Variants in VARS1 observed in about 807,000 individuals in gnomAD.
VARS1 encodes the protein valine--tRNA ligase.
Under a neutral mutation model 161.0 loss-of-function variants are expected in VARS1, and 92 were observed. That is an observed-to-expected ratio of 0.57 (90% CI 0.48 to 0.68). VARS1 has a LOEUF of 0.68. VARS1 is among the 30% of genes least tolerant of loss of function. VARS1 has a pLI of 0.00. For missense variants in VARS1, 1,338 were observed against 1,695.9 expected, an observed-to-expected ratio of 0.79 and a Z score of 3.71; for synonymous variants, 595 against 682.5, an observed-to-expected ratio of 0.87 and a Z score of 2.00.
chr6:31,791,632 T>A lies in VARS1; in HGVS notation c.1078A>T (p.Ile360Phe). Residue 360 changes from isoleucine (I) to phenylalanine (F), a missense_variant, in exon 8 of 30, where the codon ATC becomes TTC. Ile to Phe is a conservative substitution (Grantham distance 21). This residue lies in a region of VARS1 where 902 missense variants were observed against 1,090.3 expected (regional missense o/e 0.83). Coordinates refer to ENST00000375663, the MANE Select transcript of VARS1 (RefSeq NM_006295.3). This position sits in a 1 kb window ranked among gnomAD's most constrained non-coding sequence, Gnocchi z 5.0. ...CACCATCGAGTCAGGGAGTCCTGGA[T>A]GGCGTTGGTGAGTGCATGGCCCAGG... is the stretch of plus-strand genomic sequence containing the variant. ...LHLGHALTNA[I>F]QDSLTRWHRM... 2 of 1,612,382 alleles carry A rather than the reference T, an allele frequency of 1.2e-6. No individual in the cohort carries two copies. Among genetic ancestry groups the A allele is most frequent in the Non-Finnish European group, 1.7e-6 (2 of 1,179,644 alleles).
chr6:31,780,658 A>G lies in VARS1; in HGVS notation c.2797+47T>C. On this transcript the variant is annotated intron_variant, in intron 24 of 29. Coordinates refer to ENST00000375663, the MANE Select transcript of VARS1 (RefSeq NM_006295.3). The surrounding 1 kb of genome is among the most constrained non-coding windows in gnomAD (Gnocchi z 5.1). Reference sequence around the variant, plus strand: ...AGGGTGGAGAAGAGGGATGGGCCTCACAGAAGGAGGAAGGAGTGGCTGGGA... The same window carrying G: ...AGGGTGGAGAAGAGGGATGGGCCTCGCAGAAGGAGGAAGGAGTGGCTGGGA... The G allele has an allele frequency of 6.2e-7, 1 of 1,613,584 alleles. No individual in the cohort carries two copies. The highest frequency in any genetic ancestry group is 1.3e-5 in the African/African-American group (1 of 75,056).
rs548658238 is a variant in VARS1, at chr6:31,785,098, G to A, written c.1347+148C>T. 1.9e-5 allele frequency: 17 copies of A among 872,548 alleles called. No homozygotes were observed. The African/African-American group carries it at 2.8e-4, about 15-fold the overall frequency. The allele number at this position is 872,548 out of a possible 1,614,324, so 54.1% of individuals were successfully genotyped here. On this transcript the variant is annotated intron_variant, in intron 10 of 29. Coordinates refer to ENST00000375663, the MANE Select transcript of VARS1 (RefSeq NM_006295.3). This position sits in a 1 kb window ranked among gnomAD's most constrained non-coding sequence, Gnocchi z 6.1. ...TGGAAAGGGCCATGGCGAGGGGTGG[G>A]AAGTGGCATTTGCAGCTGAGCCCTC...
At chr6:31,790,339 C>T (rs1011447883) in intron 8 of VARS1, among the ~76,000 whole-genome samples, 3 of 151,918 alleles carry the variant, frequency 2.0e-5, no homozygotes, top group African/African-American at 4.8e-5. Flanking sequence ...CAGTGGCTCA[C>T]GCCTGTAATC....
Position 31,792,818 on chromosome 6 carries a change from G to C in VARS1, c.600C>G (p.Phe200Leu). Residue 200 changes from phenylalanine to leucine, a missense_variant, in exon 4 of 30, where the codon TTC (phenylalanine) becomes TTG (leucine). This residue lies in a region of VARS1 where 902 missense variants were observed against 1,090.3 expected (regional missense o/e 0.83). Transcript: ENST00000375663. ...WFVTCVRQPE[F>L]RAVLGEVVLY... is the part of the protein sequence containing the mutation. The stretch of plus-strand genomic sequence containing the variant: ...GAACCACTTCTCCTAGCACGGCTCG[G>C]AATTCTGGCTGCCGGACACACGTGA... 1 of 1,614,196 alleles carries C rather than the reference G, an allele frequency of 6.2e-7. No individual in the cohort carries two copies. Among genetic ancestry groups the C allele is most frequent in the Non-Finnish European group, 8.5e-7 (1 of 1,180,038 alleles).
At position 31,783,275 on chromosome 6, in the gene VARS1, TG is replaced by T. The variant is rs559750507; in HGVS notation, c.1672-90del. ...ATCCCAGAACTTTGGGAGGCTGAGG[TG>T]GGCAGATCACTTGAGGCCGGGAGTT... On this transcript the variant is annotated intron_variant, in intron 13 of 29. Coordinates refer to ENST00000375663, the MANE Select transcript of VARS1 (RefSeq NM_006295.3). 8.3e-4 allele frequency: 1,146 copies of T among 1,386,786 alleles called. 6 individuals carry two copies. The African/African-American group carries it at 0.014, about 17-fold the overall frequency. The allele number at this position is 1,386,786 out of a possible 1,614,324, so 85.9% of individuals were successfully genotyped here.
intron 2 of VARS1, 145 bp downstream of exon 2, chr6:31,794,686 G>T (rs963627761): frequency 3.4e-6 from 4 of 1,186,766 alleles, no homozygotes; most frequent in Non-Finnish European, 4.6e-6. Flanking sequence ...AACGTGCCCA[G>T]GGTTACCATA....
rs1813179173 is a variant in VARS1 at position 31,781,942 on chromosome 6, C to T, written c.2252G>A (p.Gly751Glu). The T allele has an allele frequency of 2.5e-6, 4 of 1,613,038 alleles. No homozygotes were observed. In the East Asian group the frequency reaches 8.9e-5, roughly 36 times the overall value. ...ATTGCGTCCACTCACCCAGTACCGC[C>T]CATCAGGGTCCTGCCACAGGTGCAG... ...PAVPPGEDPD[G>E]RYWVSGRNEA... The change falls in exon 19 of 30, where the codon GGG (glycine) becomes GAG (glutamate). Residue 751 changes from glycine to glutamate, a missense_variant. Around this residue, in one of 3 missense-constraint regions of VARS1, gnomAD observed 902 missense variants for 1,090.3 expected, o/e 0.83. Transcript: ENST00000375663. This position sits in a 1 kb window ranked among gnomAD's most constrained non-coding sequence, Gnocchi z 6.8.
rs1049666671 is a variant in VARS1 at position 31,785,771 on chromosome 6, C to G, written c.1101-38G>C. 1 of 1,568,546 alleles carries G rather than the reference C, an allele frequency of 6.4e-7. No individual in the cohort carries two copies. The highest frequency in any genetic ancestry group is 8.6e-7 in the Non-Finnish European group (1 of 1,164,336). ...ATGGAGGACCAGAGGGTGAGCCAGG[C>G]CAGTGGGGCCTGGCACCAAAGAAAG... On this transcript the variant is annotated intron_variant, in intron 8 of 29. Coordinates refer to ENST00000375663, the MANE Select transcript of VARS1 (RefSeq NM_006295.3). This position sits in a 1 kb window ranked among gnomAD's most constrained non-coding sequence, Gnocchi z 6.1.
rs1478096678 is a variant in VARS1, at chr6:31,785,045, A to G, written c.1347+201T>C. Among the ~76,000 whole-genome samples the G allele has an allele frequency of 6.6e-6, 1 of 152,164 alleles. No individual in the cohort carries two copies. Among genetic ancestry groups the G allele is most frequent in the African/African-American group, 2.4e-5 (1 of 41,438 alleles). Reference sequence around the variant, plus strand: ...GGAGGAATCTGGAGCTCCCAGAGCCAAGACAGGGAACATGAAGGGCCATGA... The same window carrying G: ...GGAGGAATCTGGAGCTCCCAGAGCCGAGACAGGGAACATGAAGGGCCATGA... On this transcript the variant is annotated intron_variant, in intron 10 of 29. Transcript: ENST00000375663. This position sits in a 1 kb window ranked among gnomAD's most constrained non-coding sequence, Gnocchi z 6.1.
At chr6:31,793,212 C>T in intron 2 of VARS1, 92 bp from the exon 3 acceptor site, 1 of 1,466,108 alleles carries the variant, frequency 6.8e-7, no homozygotes, top group South Asian at 1.4e-5. Flanking sequence ...CCACCCCACT[C>T]TCACAAATCA....
In VARS1 at chr6:31,781,897, T is replaced by C; in HGVS notation, c.2297A>G (p.Lys766Arg). The C allele has an allele frequency of 3.7e-6, 6 of 1,612,934 alleles. No homozygotes were observed. Among genetic ancestry groups the C allele is most frequent in the Non-Finnish European group, 4.2e-6 (5 of 1,180,014 alleles). Reference protein sequence around the residue: ...SGRNEAEAREKAAKEFGVSPD... With the variant: ...SGRNEAEARERAAKEFGVSPD... The stretch of plus-strand genomic sequence containing the variant: ...GGACACTCCGAACTCCTTGGCTGCC[T>C]TCTCCCGGGCCTCCGCCTCATTGCG... The change falls in exon 19 of 30, where the codon AAG (lysine) becomes AGG (arginine). Residue 766 changes from lysine (K) to arginine (R), a missense_variant. Transcript: ENST00000375663. This position sits in a 1 kb window ranked among gnomAD's most constrained non-coding sequence, Gnocchi z 6.8.
At chr6:31,792,064 C>T (rs1181179745) in intron 6 of VARS1, 93 bp from the exon 7 acceptor site, 1 of 1,462,328 alleles carries the variant, frequency 6.8e-7, no homozygotes, top group African/African-American at 1.4e-5. Context: ...CTCCGTCACT[C>T]ACATCATAGG....
Position 31,791,873 on chromosome 6 carries a change from C to A in VARS1, c.970G>T (p.Gly324Trp), listed in dbSNP as rs866752236. The A allele has an allele frequency of 6.2e-7, 1 of 1,609,916 alleles. No individual in the cohort carries two copies. The highest frequency in any genetic ancestry group is 8.5e-7 in the Non-Finnish European group (1 of 1,178,214). ...CCTGGGCAGCAGTGCCTACTCACCC[C>A]ATACTCTGGCTTGAAGAAGCCCTGC... The part of the protein sequence containing the change: ...EQQGFFKPEY[G>W]RPNVSAANPR... Residue 324 changes from glycine (G) to tryptophan (W), a missense_variant and splice_region_variant, in exon 7 of 30, where the codon GGG (glycine) becomes TGG (tryptophan). Physicochemically the swap from Gly to Trp is radical, Grantham distance 184 (BLOSUM62 -2). This residue lies in a region of VARS1 where 902 missense variants were observed against 1,090.3 expected (regional missense o/e 0.83). Coordinates refer to ENST00000375663, the MANE Select transcript of VARS1 (RefSeq NM_006295.3). This position sits in a 1 kb window ranked among gnomAD's most constrained non-coding sequence, Gnocchi z 5.0.
At chr6:31,790,464 C>T (rs181081265) in intron 8 of VARS1, among the ~76,000 whole-genome samples, 212 of 151,432 alleles carry the variant, frequency 1.4e-3, no homozygotes, top group Admixed American at 3.5e-3. Flanking sequence ...TAGCCAGGCG[C>T]GGTGGCAGGT....
chr6:31,780,688 C>A lies in VARS1; in HGVS notation c.2797+17G>T. The A allele has an allele frequency of 6.2e-7, 1 of 1,613,992 alleles. No individual in the cohort carries two copies. The highest frequency in any genetic ancestry group is 8.5e-7 in the Non-Finnish European group (1 of 1,179,964). On this transcript the variant is annotated intron_variant, in intron 24 of 29. Transcript: ENST00000375663. The surrounding 1 kb of genome is among the most constrained non-coding windows in gnomAD (Gnocchi z 5.1). ...AGGAGGAAGGAGTGGCTGGGAGGGA[C>A]GCTTTGGGGGCCATACCCTGGGACA...
Position 31,795,298 on chromosome 6 carries a change from C to T in VARS1, c.-33-48G>A. The T allele has an allele frequency of 7.7e-7, 1 of 1,295,410 alleles. No individual in the cohort carries two copies. The highest frequency in any genetic ancestry group is 9.9e-7 in the Non-Finnish European group (1 of 1,009,970). 80.2% of individuals were successfully genotyped at this position (1,295,410 alleles called of 1,614,324 possible). A position where few individuals can be genotyped will look rare whatever the true frequency, so the allele number is the denominator to read the frequency against. ...GAAGACTGCGGGATCGAGGTGGGTCCTATGTTTGAGTAGAGAGGGGACCCT... is the reference window on the plus strand; with the variant it reads ...GAAGACTGCGGGATCGAGGTGGGTCTTATGTTTGAGTAGAGAGGGGACCCT... On this transcript the variant is annotated intron_variant, in intron 1 of 29. Coordinates refer to ENST00000375663, the MANE Select transcript of VARS1 (RefSeq NM_006295.3). This position sits in a 1 kb window ranked among gnomAD's most constrained non-coding sequence, Gnocchi z 6.9.
intron 4 of VARS1, 65 bp from the exon 5 acceptor site, chr6:31,792,581 T>C (rs1407516698): frequency 6.8e-6 from 11 of 1,609,666 alleles, no homozygotes; most frequent in Non-Finnish European, 9.3e-6. Context: ...CCATACTAGG[T>C]TTCAGATGGG....
chr6:31,778,821 G>C lies in VARS1; in HGVS notation c.3726+146C>G. Reference sequence around the variant, plus strand: ...TGAGCCAGGCTGTTTTGTTTTTTAAGGCTAGTGGGAGTGGAGAAGGAACAA... The same window carrying C: ...TGAGCCAGGCTGTTTTGTTTTTTAACGCTAGTGGGAGTGGAGAAGGAACAA... On this transcript the variant is annotated intron_variant, in intron 29 of 29. Transcript: ENST00000375663. The surrounding 1 kb of genome is among the most constrained non-coding windows in gnomAD (Gnocchi z 5.1). The C allele has an allele frequency of 8.8e-7, 1 of 1,137,420 alleles. No individual in the cohort carries two copies. Among genetic ancestry groups the C allele is most frequent in the Non-Finnish European group, 1.2e-6 (1 of 810,240 alleles). 70.5% of individuals were successfully genotyped at this position (1,137,420 alleles called of 1,614,324 possible).
chr6:31,783,665 T>C (rs1813305600), intron 13 of VARS1, among the ~76,000 whole-genome samples: 1 of 8,956 alleles, frequency 1.1e-4, no homozygotes, highest in South Asian at 2.2e-3. Flanking sequence ...TCTATTTAAC[T>C]TTTTTTTTTT....
Sources: gnomAD v4.1 joint callset for allele counts (sites outside exome capture counted in the v4.1 genomes callset) on GRCh38, gnomAD v4.1.1 for gene constraint, gnomAD v4.1.1 regional missense constraint, Gnocchi (gnomAD v3.1) non-coding constraint, MANE v1.5 for transcripts, NCBI Gene and HGNC (gene_info 2026-07-23, HGNC 2026-07-21) for gene names.